STX2: variants seen among roughly 807,000 people sequenced by gnomAD.
STX2 encodes syntaxin-2.
Under a neutral mutation model 40.6 loss-of-function variants are expected in STX2, and 27 were observed. That is an observed-to-expected ratio of 0.66 (90% CI 0.49 to 0.92). The LOEUF (loss-of-function observed/expected upper bound fraction) is 0.92, where lower values mean the gene tolerates loss of function less well. Among genes scored for constraint, STX2 ranks in the 40% least tolerant of loss-of-function variants. The pLI is 0.00. For synonymous variants in STX2, 123 were observed against 119.1 expected, an observed-to-expected ratio of 1.03 and a Z score of -0.22; for missense variants, 328 against 366.1, an observed-to-expected ratio of 0.90 and a Z score of 0.85.
At chr12:130,827,476 G>C (rs968210756) in intron 1 of STX2, among the ~76,000 whole-genome samples, 12 of 152,194 alleles carry the variant, frequency 7.9e-5, no homozygotes, top group Admixed American at 2.6e-4. Context: ...CCAGAAGGTG[G>C]AAGACCTGGA....
intron 3 of STX2, among the ~76,000 whole-genome samples, chr12:130,816,097 G>A (rs1313428616): frequency 1.3e-5 from 2 of 152,196 alleles, no homozygotes; most frequent in African/African-American, 4.8e-5. Context: ...CCTGGCCACT[G>A]TGCCTGGGGA....
At chr12:130,821,431 G>A (rs1046749873) in intron 3 of STX2, among the ~76,000 whole-genome samples, 1 of 152,098 alleles carries the variant, frequency 6.6e-6, no homozygotes, top group South Asian at 2.1e-4. Context: ...AGCCACTTTC[G>A]TGTATTCTTT....
At chr12:130,808,125 G>T (rs1951510651) in intron 5 of STX2, among the ~76,000 whole-genome samples, 1 of 152,150 alleles carries the variant, frequency 6.6e-6, no homozygotes, top group Non-Finnish European at 1.5e-5. Context: ...CCTGAGAAAT[G>T]CATGTATAGC....
chr12:130,833,928 T>A (rs1952667060), intron 1 of STX2, among the ~76,000 whole-genome samples: 2 of 152,098 alleles, frequency 1.3e-5, no homozygotes, highest in South Asian at 4.1e-4. Flanking sequence ...CAAATGACAG[T>A]ATGCATCTGT....
chr12:130,816,818 A>C (rs372615222), intron 3 of STX2, among the ~76,000 whole-genome samples: 3 of 152,222 alleles, frequency 2.0e-5, no homozygotes, highest in Admixed American at 6.5e-5. Context: ...AACTCCATAA[A>C]AGGCAGCTGA....
chr12:130,795,966 A>T (rs1951016105), intron 10 of STX2, 29 bp downstream of exon 10: 1 of 1,582,666 alleles, frequency 6.3e-7, no homozygotes, highest in African/African-American at 1.4e-5. Context: ...GCAAAAGTTA[A>T]TAAGTAAATT....
chr12:130,794,482 A>AGAT (rs1443858036), intron 10 of STX2, among the ~76,000 whole-genome samples: 3 of 152,170 alleles, frequency 2.0e-5, no homozygotes. Context: ...TGAGCGTAAC[A>AGAT]GATGCTCACA....
rs372910312 is a variant in STX2 at position 130,791,849 on chromosome 12, T to C, written c.*174A>G. ...ACGAAATGACAGGATGCTGATTTGG[T>C]TGCAGATGTGGTCTGAGTCTCAAGG... On this transcript the variant is annotated 3_prime_UTR_variant, in exon 11 of 11. Transcript: ENST00000392373. The C allele has an allele frequency of 3.4e-6, 5 of 1,482,550 alleles. No homozygotes were observed. The highest frequency in any genetic ancestry group is 2.3e-5 in the East Asian group (1 of 44,078). 91.8% of individuals were successfully genotyped at this position (1,482,550 alleles called of 1,614,324 possible).
At chr12:130,818,921 C>T (rs1952004536) in intron 3 of STX2, among the ~76,000 whole-genome samples, 1 of 152,222 alleles carries the variant, frequency 6.6e-6, no homozygotes, top group South Asian at 2.1e-4. Context: ...CATGCTCCTG[C>T]AGGGCTGGAT....
At chr12:130,824,504 C>A (rs1221758700) in intron 2 of STX2, among the ~76,000 whole-genome samples, 1 of 152,200 alleles carries the variant, frequency 6.6e-6, no homozygotes, top group Non-Finnish European at 1.5e-5. Flanking sequence ...TAACTCCAAG[C>A]CCCCGTATGG....
chr12:130,820,475 G>A (rs962880715), intron 3 of STX2, among the ~76,000 whole-genome samples: 25 of 152,150 alleles, frequency 1.6e-4, no homozygotes, highest in African/African-American at 4.8e-4. Flanking sequence ...AGACCAGCCT[G>A]GCCAATATGG....
intron 3 of STX2, among the ~76,000 whole-genome samples, chr12:130,817,073 T>A (rs1951884789): frequency 6.8e-6 from 1 of 147,050 alleles, no homozygotes; most frequent in Admixed American, 6.8e-5. Flanking sequence ...AATACAAAGC[T>A]CAAAACTCAA....
intron 1 of STX2, among the ~76,000 whole-genome samples, chr12:130,829,037 G>A (rs1297247417): frequency 6.6e-6 from 1 of 151,970 alleles, no homozygotes; most frequent in Non-Finnish European, 1.5e-5. Flanking sequence ...CGGTTCCCAG[G>A]GTCTGCAGGA....
In STX2 at chr12:130,791,768, C is replaced by T. The variant is rs1950882624; in HGVS notation, c.*255G>A. On this transcript the variant is annotated 3_prime_UTR_variant, in exon 11 of 11. Transcript: ENST00000392373. ...CGTTCGGTTGTGCTTCTTCCGTGAA[C>T]TCATACATTACAAGGTCAGCACTCG... The T allele has an allele frequency of 1.3e-6, 1 of 784,504 alleles. No individual in the cohort carries two copies. The highest frequency in any genetic ancestry group is 2.1e-6 in the Non-Finnish European group (1 of 466,954). The allele number at this position is 784,504 out of a possible 1,614,324, so 48.6% of individuals were successfully genotyped here.
At chr12:130,827,577 C>T (rs1157916491) in intron 1 of STX2, among the ~76,000 whole-genome samples, 2 of 152,210 alleles carry the variant, frequency 1.3e-5, no homozygotes, top group Non-Finnish European at 2.9e-5. Flanking sequence ...CCAGTTTTAC[C>T]CTCAAGAAGT....
intron 4 of STX2, among the ~76,000 whole-genome samples, chr12:130,809,922 G>C (rs924418335): frequency 5.3e-5 from 8 of 152,120 alleles, no homozygotes; most frequent in African/African-American, 1.9e-4. Context: ...GTGCTCGGGG[G>C]ATCACTTCAG....
intron 9 of STX2, among the ~76,000 whole-genome samples, chr12:130,798,102 C>A (rs974734018): frequency 6.6e-6 from 1 of 152,044 alleles, no homozygotes; most frequent in Non-Finnish European, 1.5e-5. Context: ...ACAAAATTAG[C>A]CTGGCATGGT....
chr12:130,812,929 ATAAT>A, intron 4 of STX2, 24 bp downstream of exon 4: 1 of 1,443,538 alleles, frequency 6.9e-7, no homozygotes, highest in African/African-American at 1.4e-5. Flanking sequence ...CCCAACATCA[ATAAT>A]TAAACATAAA....
At position 130,827,273 on chromosome 12, in the gene STX2, A is replaced by G. The variant is rs765460623; in HGVS notation, c.31-6T>C. The G allele has an allele frequency of 2.5e-6, 4 of 1,611,902 alleles. No individual in the cohort carries two copies. Among genetic ancestry groups the G allele is most frequent in the African/African-American group, 1.3e-5 (1 of 74,982 alleles). On this transcript the variant is annotated splice_region_variant and splice_polypyrimidine_tract_variant and intron_variant, in intron 1 of 10. Coordinates refer to ENST00000392373, the MANE Select transcript of STX2 (RefSeq NM_194356.4). ...CCATCATCATTCTTCCTACACTACA[A>G]TGAAAAATGGAAAATTCAGTTTTTT...
Sources: allele counts gnomAD v4.1 joint callset (sites outside exome capture counted in the v4.1 genomes callset), GRCh38; gene constraint gnomAD v4.1.1; transcripts MANE v1.5; gene names NCBI Gene and HGNC (gene_info 2026-07-23, HGNC 2026-07-21).